Variants in TNNI1 observed in about 807,000 individuals in gnomAD.
The protein encoded by TNNI1 is troponin I, slow skeletal muscle.
TNNI1 carries 14 observed loss-of-function variants against 26.7 expected under a neutral mutation model. The ratio of observed to expected loss-of-function variants is 0.52; its 90% CI spans 0.35 to 0.82. The LOEUF (loss-of-function observed/expected upper bound fraction) is 0.82. Ranked by LOEUF, TNNI1 falls within the 40% of genes least tolerant of loss-of-function variation. The pLI is 0.01. For synonymous variants in TNNI1, 79 were observed against 98.2 expected (o/e 0.80, Z 1.16); for missense variants, 164 against 257.0 (o/e 0.64, Z 2.47).
rs1662521962 is a variant in TNNI1, at chr1:201,406,688, C to G, written c.*2565G>C. ...GCTCTCCAGAGGCCAGGCCCCCAGCCCAGGCCCCATTCTTGGCTACAACAG... is the reference window on the plus strand; with the variant it reads ...GCTCTCCAGAGGCCAGGCCCCCAGCGCAGGCCCCATTCTTGGCTACAACAG... On this transcript the variant is annotated 3_prime_UTR_variant, in exon 9 of 9. Transcript: ENST00000361379. 1 of 152,300 alleles carries G rather than the reference C, an allele frequency of 6.6e-6. No homozygotes were observed. The highest frequency in any genetic ancestry group is 6.5e-5 in the Admixed American group (1 of 15,284). The allele number at this position is 152,300 out of a possible 1,614,324, so 9.4% of individuals were successfully genotyped here.
rs1295337091 is a variant in TNNI1 at position 201,407,545 on chromosome 1, A to C, written c.*1708T>G. On this transcript the variant is annotated 3_prime_UTR_variant, in exon 9 of 9. Transcript: ENST00000361379. ...AGCAGCTGGCACTGCACTTTGTACC[A>C]ATTTCTGGCACTTATGGAAGATAAT... 6.6e-6 allele frequency: 1 copy of C among 152,190 alleles called. No individual in the cohort carries two copies. Among genetic ancestry groups the C allele is most frequent in the East Asian group, 1.9e-4 (1 of 5,192 alleles). 9.4% of individuals were successfully genotyped at this position (152,190 alleles called of 1,614,324 possible).
intron 5 of TNNI1, among the ~76,000 whole-genome samples, chr1:201,413,835 G>A (rs1662684489): frequency 6.6e-6 from 1 of 151,724 alleles, no homozygotes; most frequent in Non-Finnish European, 1.5e-5. Flanking sequence ...TTTAAACTTT[G>A]TATAAAGAAA....
intron 8 of TNNI1, 60 bp downstream of exon 8, chr1:201,410,266 C>T: frequency 6.8e-7 from 1 of 1,471,112 alleles, no homozygotes; most frequent in African/African-American, 1.4e-5. Context: ...CCATTGTGGA[C>T]TCCCTCATTA....
chr1:201,417,834 T>C (rs2102373535), intron 1 of TNNI1, 22 bp from the exon 2 acceptor site: 1 of 1,312,298 alleles, frequency 7.6e-7, no homozygotes, highest in Middle Eastern at 2.0e-4. Flanking sequence ...AGAGGAATCA[T>C]TCATAAGGGA....
intron 5 of TNNI1, among the ~76,000 whole-genome samples, chr1:201,414,190 A>G (rs1328379615): frequency 1.3e-5 from 2 of 152,340 alleles, no homozygotes; most frequent in East Asian, 1.9e-4. Flanking sequence ...GAAAGGGTAG[A>G]CAAGTCCTTG....
chr1:201,414,416 G>T, intron 5 of TNNI1, 102 bp downstream of exon 5: 2 of 1,037,450 alleles, frequency 1.9e-6, no homozygotes, highest in Non-Finnish European at 2.7e-6. Context: ...AAATTATGGA[G>T]CCTTGAGCTG....
chr1:201,410,227 G>C (rs367972103), intron 8 of TNNI1, 99 bp downstream of exon 8: 1 of 1,037,084 alleles, frequency 9.6e-7, no homozygotes. Context: ...CCGTGCATCC[G>C]TGCACCACAC....
chr1:201,414,728 G>T (rs1662704569), intron 4 of TNNI1, 79 bp from the exon 5 acceptor site: 2 of 1,572,608 alleles, frequency 1.3e-6, no homozygotes, highest in Admixed American at 3.5e-5. Context: ...GGCAGCCACA[G>T]CCTGGGCCAA....
chr1:201,414,398 T>A (rs1662697091), intron 5 of TNNI1, 120 bp downstream of exon 5: 1 of 808,950 alleles, frequency 1.2e-6, no homozygotes, highest in Non-Finnish European at 1.8e-6. Flanking sequence ...AAGGGAGGAG[T>A]GCCCTGTAAA....
chr1:201,416,373 C>G (rs866482839), intron 3 of TNNI1, among the ~76,000 whole-genome samples: 1 of 152,234 alleles, frequency 6.6e-6, no homozygotes, highest in Admixed American at 6.5e-5. Context: ...CCTCATTTGA[C>G]CATCAGTCAG....
chr1:201,414,958 C>T (rs1047094461), intron 4 of TNNI1, among the ~76,000 whole-genome samples: 1 of 152,264 alleles, frequency 6.6e-6, no homozygotes, highest in African/African-American at 2.4e-5. Flanking sequence ...GCATGAGTAG[C>T]TTCCCACTCT....
chr1:201,417,955 T>C, intron 1 of TNNI1, 143 bp from the exon 2 acceptor site: 2 of 559,888 alleles, frequency 3.6e-6, no homozygotes, highest in East Asian at 3.6e-5. Flanking sequence ...CAGGTCAAGA[T>C]GGGACAGGGT....
rs747286830 is a variant in TNNI1, at chr1:201,415,229, C to A, written c.41G>T (p.Arg14Leu). 2 of 1,613,930 alleles carry A rather than the reference C, an allele frequency of 1.2e-6. No homozygotes were observed. Among genetic ancestry groups the A allele is most frequent in the Non-Finnish European group, 1.7e-6 (2 of 1,179,944 alleles). ...CAGCCTCACCTTCAGCAAGAGTTTG[C>A]GGGAGGCAGTGATCTTGGGTTTTCT... is the stretch of plus-strand genomic sequence containing the variant. ...VERKPKITAS[R>L]KLLLKSLMLA... Residue 14 changes from arginine to leucine, a missense_variant, in exon 4 of 9, where the codon CGC becomes CTC. Transcript: ENST00000361379.
rs759603605 is a variant in TNNI1 at position 201,404,025 on chromosome 1, G to A, written c.*5228C>T. 3 of 152,148 alleles carry A rather than the reference G, an allele frequency of 2.0e-5. No individual in the cohort carries two copies. The highest frequency in any genetic ancestry group is 4.4e-5 in the Non-Finnish European group (3 of 68,032). 9.4% of individuals were successfully genotyped at this position (152,148 alleles called of 1,614,324 possible). ...TTATACGTACATTAAAAACGTATGC[G>A]TGTCCTGGTTACTTCCTCCAGGGAC... On this transcript the variant is annotated 3_prime_UTR_variant, in exon 9 of 9. Transcript: ENST00000361379.
Position 201,406,836 on chromosome 1 carries a change from A to T in TNNI1, c.*2417T>A, listed in dbSNP as rs951406460. 1.3e-5 allele frequency: 2 copies of T among 152,172 alleles called. No individual in the cohort carries two copies. Among genetic ancestry groups the T allele is most frequent in the African/African-American group, 4.8e-5 (2 of 41,404 alleles). 9.4% of individuals were successfully genotyped at this position (152,172 alleles called of 1,614,324 possible). A position where few individuals can be genotyped will look rare whatever the true frequency, so the allele number is the denominator to read the frequency against. ...CGCCCTTGCTCCATCCTCACAGGAG[A>T]TGAATTAGGTCTGTTGCTGCCTGGA... On this transcript the variant is annotated 3_prime_UTR_variant, in exon 9 of 9. Transcript: ENST00000361379.
rs144861686 is a variant in TNNI1, at chr1:201,412,591, C to T, written c.279+441G>A. On this transcript the variant is annotated intron_variant, in intron 6 of 8. Coordinates refer to ENST00000361379, the MANE Select transcript of TNNI1 (RefSeq NM_003281.4). ...CAGAGACCAGCACTGGTCCCAGGAC[C>T]ACCACTGTGCAACCTAGGACAAGTC... Among the ~76,000 whole-genome samples the T allele has an allele frequency of 7.9e-4, 120 of 152,300 alleles. 1 individual carries two copies. The highest frequency in any genetic ancestry group is 2.6e-3 in the African/African-American group (110 of 41,558).
Position 201,408,259 on chromosome 1 carries a change from A to C in TNNI1, c.*994T>G, listed in dbSNP as rs757603199. The stretch of plus-strand genomic sequence containing the variant: ...ATAAGTGGCCACCCCATCTCCGGGA[A>C]AGAATCAGTCCTGGGGGATAGGACC... On this transcript the variant is annotated 3_prime_UTR_variant, in exon 9 of 9. Transcript: ENST00000361379. 5 of 152,386 alleles carry C rather than the reference A, an allele frequency of 3.3e-5. No individual in the cohort carries two copies. Among genetic ancestry groups the C allele is most frequent in the Admixed American group, 6.6e-5 (1 of 15,264 alleles). The allele number at this position is 152,386 out of a possible 1,614,324, so 9.4% of individuals were successfully genotyped here. A position where few individuals can be genotyped will look rare whatever the true frequency, so the allele number is the denominator to read the frequency against.
At chr1:201,417,674 T>C (rs941932940) in intron 2 of TNNI1, 109 bp downstream of exon 2, 2 of 976,536 alleles carry the variant, frequency 2.0e-6, no homozygotes, top group African/African-American at 3.4e-5. Flanking sequence ...CCTGGTCTCT[T>C]AGGGAAAAGC....
At chr1:201,414,274 G>T (rs1012656070) in intron 5 of TNNI1, among the ~76,000 whole-genome samples, 1 of 152,222 alleles carries the variant, frequency 6.6e-6, no homozygotes, top group Non-Finnish European at 1.5e-5. Flanking sequence ...GTGAAGCTGG[G>T]CCGCCCAGCC....
Sources: allele counts gnomAD v4.1 joint callset (sites outside exome capture counted in the v4.1 genomes callset), GRCh38; gene constraint gnomAD v4.1.1; transcripts MANE v1.5; gene names NCBI Gene and HGNC (gene_info 2026-07-23, HGNC 2026-07-21).